Variants in DNAH6 observed in about 807,000 individuals in gnomAD.
The protein encoded by DNAH6 is dynein axonemal heavy chain 6.
DNAH6 carries 340 observed loss-of-function variants against 491.4 expected under a neutral mutation model. The ratio of observed to expected loss-of-function variants is 0.69; its 90% CI spans 0.63 to 0.76. The LOEUF is 0.76. DNAH6 is among the 30% of genes least tolerant of loss of function. The probability of loss-of-function intolerance (pLI) is 0.00; values close to 1 mark genes in which losing one functional copy is unlikely to be tolerated. For missense variants in DNAH6, 4,443 were observed against 4,972.2 expected, an observed-to-expected ratio of 0.89 and a Z score of 3.20; for synonymous variants, 1,603 against 1,686.1, an observed-to-expected ratio of 0.95 and a Z score of 1.21.
chr2:84,776,401 C>G (rs1227508142), intron 64 of DNAH6, among the ~76,000 whole-genome samples: 2 of 152,218 alleles, frequency 1.3e-5, no homozygotes, highest in African/African-American at 2.4e-5. Context: ...ATTTTACAAA[C>G]CATTCCTATG....
chr2:84,622,041 A>G (rs1687446943), intron 26 of DNAH6, among the ~76,000 whole-genome samples: 1 of 152,222 alleles, frequency 6.6e-6, no homozygotes, highest in Non-Finnish European at 1.5e-5. Flanking sequence ...GGGAAATGCT[A>G]TTTTGCTAAA....
At chr2:84,610,761 A>G (rs1257357776) in intron 21 of DNAH6, among the ~76,000 whole-genome samples, 3 of 152,212 alleles carry the variant, frequency 2.0e-5, no homozygotes, top group East Asian at 1.9e-4. Flanking sequence ...TTCAAAGAGA[A>G]CTTTCTCAGA....
At chr2:84,754,503 T>C (rs1031089275) in intron 63 of DNAH6, among the ~76,000 whole-genome samples, 3 of 152,242 alleles carry the variant, frequency 2.0e-5, no homozygotes, top group African/African-American at 7.2e-5. Flanking sequence ...TTTTGCATGT[T>C]GCTACCAGTT....
At chr2:84,718,770 C>T (rs569520226) in intron 59 of DNAH6, among the ~76,000 whole-genome samples, 4 of 152,238 alleles carry the variant, frequency 2.6e-5, no homozygotes, top group Non-Finnish European at 5.9e-5. Context: ...ATCTCTACTA[C>T]AGCACTTGAC....
At chr2:84,787,604 C>T (rs1469935522) in intron 68 of DNAH6, among the ~76,000 whole-genome samples, 2 of 152,092 alleles carry the variant, frequency 1.3e-5, no homozygotes, top group African/African-American at 2.4e-5. Flanking sequence ...ATTTAATCCT[C>T]GTAATAACCT....
intron 76 of DNAH6, among the ~76,000 whole-genome samples, chr2:84,817,986 A>C (rs1166024054): frequency 1.3e-5 from 2 of 152,202 alleles, no homozygotes; most frequent in African/African-American, 4.8e-5. Flanking sequence ...TTGGGGATCA[A>C]ATTTCAACAT....
chr2:84,755,977 C>A (rs531625360), intron 63 of DNAH6, among the ~76,000 whole-genome samples: 1 of 152,218 alleles, frequency 6.6e-6, no homozygotes, highest in Non-Finnish European at 1.5e-5. Context: ...CAAGCATTCT[C>A]TCTTTGCCTG....
At chr2:84,694,635 T>C (rs1695208081) in intron 46 of DNAH6, among the ~76,000 whole-genome samples, 155 bp downstream of exon 46, 1 of 152,236 alleles carries the variant, frequency 6.6e-6, no homozygotes, top group South Asian at 2.1e-4. Flanking sequence ...ATAATACATT[T>C]TTATTTATTT....
At chr2:84,571,230 C>T (rs565253035) in intron 11 of DNAH6, among the ~76,000 whole-genome samples, 1 of 152,126 alleles carries the variant, frequency 6.6e-6, no homozygotes, top group East Asian at 1.9e-4. Flanking sequence ...AAATTCACTA[C>T]AGAAGCCATC....
intron 4 of DNAH6, among the ~76,000 whole-genome samples, chr2:84,532,782 G>A (rs576033628): frequency 1.3e-5 from 2 of 152,136 alleles, no homozygotes; most frequent in East Asian, 3.9e-4. Context: ...ACTTCTTATA[G>A]CAAAAAACTT....
chr2:84,653,459 A>G lies in DNAH6; in HGVS notation c.5219A>G (p.Tyr1740Cys). ...ATGGTTAGAAAGGTGATACAGTTTT[A>G]TGAAACTATGCTAGTAAGGCATGGT... ...MCMVRKVIQF[Y>C]ETMLVRHGVM... Residue 1740 changes from tyrosine to cysteine, a missense_variant, in exon 34 of 77, where the codon TAT (tyrosine) becomes TGT (cysteine). Around this residue, in one of 3 missense-constraint regions of DNAH6, gnomAD observed 2,977 missense variants for 3,296.6 expected, o/e 0.90. Coordinates refer to ENST00000389394, the MANE Select transcript of DNAH6 (RefSeq NM_001370.2). The G allele has an allele frequency of 6.4e-7, 1 of 1,551,290 alleles. No homozygotes were observed. The highest frequency in any genetic ancestry group is 8.7e-7 in the Non-Finnish European group (1 of 1,146,696).
chr2:84,755,557 C>T (rs1673928262), intron 63 of DNAH6, among the ~76,000 whole-genome samples: 2 of 152,046 alleles, frequency 1.3e-5, no homozygotes, highest in South Asian at 4.2e-4. Flanking sequence ...AGTGAGTTCC[C>T]TAGTGTTTTG....
chr2:84,762,120 T>A (rs1447955948), intron 63 of DNAH6, among the ~76,000 whole-genome samples: 1 of 151,780 alleles, frequency 6.6e-6, no homozygotes, highest in Non-Finnish European at 1.5e-5. Flanking sequence ...AGAACCAAAT[T>A]GATGTAGGAA....
intron 70 of DNAH6, among the ~76,000 whole-genome samples, chr2:84,802,784 A>G (rs1679054603): frequency 6.6e-6 from 1 of 152,156 alleles, no homozygotes; most frequent in Non-Finnish European, 1.5e-5. Flanking sequence ...CACAAAACAT[A>G]CTCTAATATT....
intron 35 of DNAH6, among the ~76,000 whole-genome samples, chr2:84,655,404 T>G (rs1454022867): frequency 1.3e-5 from 2 of 152,156 alleles, no homozygotes; most frequent in African/African-American, 4.8e-5. Context: ...CACAGAATTT[T>G]CCTCTTTAGC....
intron 30 of DNAH6, among the ~76,000 whole-genome samples, chr2:84,635,284 G>A (rs941338645): frequency 1.3e-5 from 2 of 152,164 alleles, no homozygotes; most frequent in South Asian, 2.1e-4. Context: ...CTACTAAATT[G>A]TGTAAGTCAT....
intron 63 of DNAH6, among the ~76,000 whole-genome samples, chr2:84,756,165 T>C (rs1023569007): frequency 6.6e-6 from 1 of 152,226 alleles, no homozygotes; most frequent in African/African-American, 2.4e-5. Context: ...GAGGAAGTTC[T>C]CTTCTATATT....
chr2:84,589,092 C>T, intron 16 of DNAH6, 138 bp downstream of exon 16: 3 of 740,380 alleles, frequency 4.1e-6, no homozygotes, highest in Non-Finnish European at 5.9e-6. Context: ...CAAATAGTCT[C>T]AAATACAAAA....
the DNAH6 span, among the ~76,000 whole-genome samples, chr2:84,463,251 G>A: frequency 1.3e-5 from 2 of 152,208 alleles, no homozygotes; most frequent in Non-Finnish European, 2.9e-5. Context: ...TAAAAGAAGA[G>A]GGGGAGACAG....
Sources: allele counts gnomAD v4.1 joint callset (sites outside exome capture counted in the v4.1 genomes callset), GRCh38; gene constraint gnomAD v4.1.1; regional missense constraint gnomAD v4.1.1; transcripts MANE v1.5; gene names NCBI Gene and HGNC (gene_info 2026-07-23, HGNC 2026-07-21).